The following PLCB1 variants were observed in gnomAD, a reference collection of about 807,000 sequenced individuals.
The protein encoded by PLCB1 is phospholipase C beta 1.
A neutral mutation model predicts 161.8 loss-of-function variants in PLCB1; 46 were observed. The observed-to-expected ratio is 0.28, with a 90% CI of 0.22 to 0.36. The LOEUF (loss-of-function observed/expected upper bound fraction) is 0.36, where lower values mean the gene tolerates loss of function less well. Among genes scored for constraint, PLCB1 ranks in the 10% least tolerant of loss-of-function variants. The pLI, the probability that PLCB1 is intolerant of heterozygous loss-of-function variation, is 1.00. For missense variants in PLCB1, 1,016 were observed against 1,472.5 expected (o/e 0.69, Z 5.07); for synonymous variants, 517 against 503.7 (o/e 1.03, Z -0.35).
intron 9 of PLCB1, among the ~76,000 whole-genome samples, chr20:8,681,115 T>A (rs1430361803): frequency 9.6e-6 from 1 of 103,902 alleles, no homozygotes; most frequent in Non-Finnish European, 1.7e-5. Context: ...TATATATATA[T>A]ATATAATATA....
chr20:8,138,908 T>A (rs908616682), intron 1 of PLCB1, among the ~76,000 whole-genome samples: 2 of 152,074 alleles, frequency 1.3e-5, no homozygotes, highest in Non-Finnish European at 2.9e-5. Context: ...TGCATGTACC[T>A]ATTAATTGAG....
chr20:8,390,914 C>T (rs535662877), intron 3 of PLCB1, among the ~76,000 whole-genome samples: 58 of 151,512 alleles, frequency 3.8e-4, no homozygotes, highest in African/African-American at 1.1e-3. Flanking sequence ...CAGGAATAAT[C>T]GCCATGTTTA....
At chr20:8,307,016 C>T (rs1177474876) in intron 2 of PLCB1, among the ~76,000 whole-genome samples, 3 of 152,212 alleles carry the variant, frequency 2.0e-5, no homozygotes, top group Non-Finnish European at 2.9e-5. Flanking sequence ...TTCAGGAACA[C>T]AATGGAAGCA....
At chr20:8,812,493 A>G (rs1984875647) in intron 31 of PLCB1, among the ~76,000 whole-genome samples, 1 of 152,216 alleles carries the variant, frequency 6.6e-6, no homozygotes, top group Non-Finnish European at 1.5e-5. Flanking sequence ...TGTTGACTTC[A>G]TAACTGAAGT....
chr20:8,337,508 C>T (rs1045898273), intron 2 of PLCB1, among the ~76,000 whole-genome samples: 1 of 152,180 alleles, frequency 6.6e-6, no homozygotes, highest in Non-Finnish European at 1.5e-5. Flanking sequence ...AGCATCCATG[C>T]TGCATTTTGT....
At chr20:8,644,688 C>T (rs893552985) in intron 4 of PLCB1, among the ~76,000 whole-genome samples, 60 of 151,846 alleles carry the variant, frequency 4.0e-4, no homozygotes, top group Admixed American at 7.2e-4. Flanking sequence ...GCAGCCGCCC[C>T]GTCCGGGAGG....
At chr20:8,314,181 T>C (rs1984532112) in intron 2 of PLCB1, among the ~76,000 whole-genome samples, 1 of 152,194 alleles carries the variant, frequency 6.6e-6, no homozygotes, top group Admixed American at 6.5e-5. Context: ...TGGAGAATTA[T>C]ATAAAGAACA....
intron 9 of PLCB1, among the ~76,000 whole-genome samples, chr20:8,676,186 C>T (rs1990070154): frequency 6.6e-6 from 1 of 152,170 alleles, no homozygotes; most frequent in Non-Finnish European, 1.5e-5. Context: ...CCTGGTGAAA[C>T]CCTGTCTCTA....
At chr20:8,803,938 C>A (rs1380424191) in intron 31 of PLCB1, among the ~76,000 whole-genome samples, 1 of 152,006 alleles carries the variant, frequency 6.6e-6, no homozygotes, top group Non-Finnish European at 1.5e-5. Context: ...GGATTACAGG[C>A]TCCCTCCACT....
chr20:8,265,357 A>G (rs1342108550), intron 2 of PLCB1, among the ~76,000 whole-genome samples: 1 of 152,172 alleles, frequency 6.6e-6, no homozygotes, highest in African/African-American at 2.4e-5. Context: ...GGGCCTTTTC[A>G]TTCCACAAGC....
At chr20:8,190,468 G>A (rs1273383161) in intron 2 of PLCB1, among the ~76,000 whole-genome samples, 1 of 152,098 alleles carries the variant, frequency 6.6e-6, no homozygotes, top group African/African-American at 2.4e-5. Context: ...GACAAGTTAT[G>A]TTTTGTAGTT....
intron 3 of PLCB1, among the ~76,000 whole-genome samples, chr20:8,381,081 G>T (rs556047869): frequency 3.3e-4 from 50 of 152,190 alleles, no homozygotes; most frequent in Non-Finnish European, 7.1e-4. Context: ...CTATGGCTTT[G>T]TCATAAATAG....
At chr20:8,422,449 A>G (rs1398759929) in intron 3 of PLCB1, among the ~76,000 whole-genome samples, 1 of 152,220 alleles carries the variant, frequency 6.6e-6, no homozygotes, top group Non-Finnish European at 1.5e-5. Context: ...GACGGAGAAC[A>G]AGGGCCCCTT....
Position 8,733,315 on chromosome 20 carries a change from A to G in PLCB1, c.1966A>G (p.Arg656Gly), listed in dbSNP as rs1337670737. 6.2e-7 allele frequency: 1 copy of G among 1,613,962 alleles called. No homozygotes were observed. Among genetic ancestry groups the G allele is most frequent in the Non-Finnish European group, 8.5e-7 (1 of 1,179,858 alleles). The change falls in exon 19 of 32, where the codon AGG becomes GGG. Residue 656 changes from arginine to glycine, a missense_variant. This residue lies in a region of PLCB1 where 67 missense variants were observed against 195.6 expected (regional missense o/e 0.34). Transcript: ENST00000338037. Reference sequence around the variant, plus strand: ...CTACAGATTGAAGCCAGAGTTCATGAGGAGGCCTGACAAGCATTTTGATCC... The same window carrying G: ...CTACAGATTGAAGCCAGAGTTCATGGGGAGGCCTGACAAGCATTTTGATCC... ...SGYRLKPEFM[R>G]RPDKHFDPFT...
At chr20:8,639,242 T>C (rs1046473589) in intron 4 of PLCB1, among the ~76,000 whole-genome samples, 1 of 152,242 alleles carries the variant, frequency 6.6e-6, no homozygotes, top group Non-Finnish European at 1.5e-5. Flanking sequence ...GTCATGCTTC[T>C]GGAGTTACTG....
chr20:8,135,273 A>G (rs533458507), intron 1 of PLCB1, among the ~76,000 whole-genome samples: 13 of 152,328 alleles, frequency 8.5e-5, no homozygotes, highest in Non-Finnish European at 1.6e-4. Context: ...GTTACAGGAC[A>G]TTCAAAAATG....
chr20:8,350,023 T>C (rs1367502400), intron 2 of PLCB1, among the ~76,000 whole-genome samples: 1 of 152,244 alleles, frequency 6.6e-6, no homozygotes, highest in Non-Finnish European at 1.5e-5. Flanking sequence ...AATATCAATG[T>C]ACAAACGTCT....
intron 11 of PLCB1, among the ~76,000 whole-genome samples, chr20:8,700,896 G>A (rs971093455): frequency 6.6e-6 from 1 of 152,216 alleles, no homozygotes; most frequent in Non-Finnish European, 1.5e-5. Context: ...GGATGGATGT[G>A]GGGAGTGGAA....
At chr20:8,644,593 G>A (rs568327791) in intron 4 of PLCB1, among the ~76,000 whole-genome samples, 2 of 150,472 alleles carry the variant, frequency 1.3e-5, no homozygotes, top group South Asian at 2.1e-4. Flanking sequence ...GAGCCCCTCC[G>A]CCTGGCAGCT....
Sources: allele counts gnomAD v4.1 joint callset (sites outside exome capture counted in the v4.1 genomes callset), GRCh38; gene constraint gnomAD v4.1.1; regional missense constraint gnomAD v4.1.1; transcripts MANE v1.5; gene names NCBI Gene and HGNC (gene_info 2026-07-23, HGNC 2026-07-21).